Variants in CD226 observed in about 807,000 individuals in gnomAD.
CD226 encodes the protein CD226 antigen.
A neutral mutation model predicts 34.9 loss-of-function variants in CD226; 24 were observed. That is an observed-to-expected ratio of 0.69 (90% CI 0.50 to 0.97). The LOEUF (loss-of-function observed/expected upper bound fraction) is 0.97. Among genes scored for constraint, CD226 ranks in the 50% least tolerant of loss-of-function variants. CD226 has a pLI of 0.00. For synonymous variants in CD226, 148 were observed against 147.4 expected (o/e 1.00, Z -0.03); for missense variants, 397 against 412.7 (o/e 0.96, Z 0.33).
intron 4 of CD226, among the ~76,000 whole-genome samples, chr18:69,872,244 C>G (rs1264806971): frequency 1.3e-5 from 2 of 152,030 alleles, no homozygotes; most frequent in African/African-American, 4.8e-5. Flanking sequence ...AACACTTTAG[C>G]TGTAATACAT....
rs1982554103 is a variant in CD226, at chr18:69,854,345, G to C, written c.*9969C>G. 6.6e-6 allele frequency: 1 copy of C among 152,268 alleles called. No individual in the cohort carries two copies. Among genetic ancestry groups the C allele is most frequent in the African/African-American group, 2.4e-5 (1 of 41,426 alleles). The allele number at this position is 152,268 out of a possible 1,614,324, so 9.4% of individuals were successfully genotyped here. On this transcript the variant is annotated 3_prime_UTR_variant, in exon 6 of 6. Transcript: ENST00000582621. ...GTATGAGCCTTTATATGGTAAGTTG[G>C]GTGAATTGCTGGCATCTGTTTGTGG...
intron 2 of CD226, among the ~76,000 whole-genome samples, chr18:69,940,517 A>G (rs2055710204): frequency 6.6e-6 from 1 of 152,290 alleles, no homozygotes; most frequent in East Asian, 1.9e-4. Flanking sequence ...AATGAAGTCC[A>G]GGCTGAGGTG....
chr18:69,873,319 A>T, intron 3 of CD226, 73 bp from the exon 4 acceptor site: 3 of 734,838 alleles, frequency 4.1e-6, no homozygotes, highest in Non-Finnish European at 7.1e-6. Flanking sequence ...CAGGAAAATA[A>T]AGAAAAGATA....
chr18:69,891,340 C>T (rs1984892738), intron 3 of CD226, among the ~76,000 whole-genome samples: 1 of 150,858 alleles, frequency 6.6e-6, no homozygotes, highest in Admixed American at 6.6e-5. Flanking sequence ...TACCCCAACA[C>T]AATAAAGGCC....
chr18:69,944,211 C>T (rs1745223811), intron 2 of CD226, among the ~76,000 whole-genome samples: 1 of 152,180 alleles, frequency 6.6e-6, no homozygotes, highest in African/African-American at 2.4e-5. Context: ...TAGCCCATTG[C>T]ATCAATCTGC....
At chr18:69,880,398 G>A (rs150355482) in intron 3 of CD226, among the ~76,000 whole-genome samples, 1 of 149,996 alleles carries the variant, frequency 6.7e-6, no homozygotes, top group African/African-American at 2.4e-5. Context: ...AAAGAAAGAA[G>A]GAGGGAAGGA....
chr18:69,911,414 C>T (rs112452432), intron 2 of CD226, among the ~76,000 whole-genome samples: 98 of 152,294 alleles, frequency 6.4e-4, no homozygotes, highest in Non-Finnish European at 1.2e-3. Context: ...CTGGGAACTG[C>T]CTTCTTCATT....
Position 69,873,161 on chromosome 18 carries a change from A to T in CD226, c.813T>A (p.Ile271=), listed in dbSNP as rs2145191268. The stretch of plus-strand genomic sequence containing the variant: ...CTACTCACCTGTTAAGGAAAATGAC[A>T]ATGATGGTGGTAATTGAGATAACAA... ...LLFVISITTI[I]VIFLNRRRRR... is the part of the protein sequence containing the mutation. Residue 271 remains isoleucine, a synonymous_variant, in exon 4 of 6, where the codon ATT becomes ATA. Coordinates refer to ENST00000582621, the MANE Select transcript of CD226 (RefSeq NM_001303618.2). 6.3e-7 allele frequency: 1 copy of T among 1,594,040 alleles called. No individual in the cohort carries two copies. The highest frequency in any genetic ancestry group is 8.6e-7 in the Non-Finnish European group (1 of 1,161,788).
At chr18:69,903,665 C>A (rs746451539) in intron 2 of CD226, among the ~76,000 whole-genome samples, 8 of 151,938 alleles carry the variant, frequency 5.3e-5, no homozygotes, top group Non-Finnish European at 8.8e-5. Context: ...GGCATGAATA[C>A]AAGCAGAACG....
intron 2 of CD226, among the ~76,000 whole-genome samples, chr18:69,936,656 A>G (rs2055657703): frequency 6.6e-6 from 1 of 152,170 alleles, no homozygotes; most frequent in African/African-American, 2.4e-5. Context: ...ACACATGGAT[A>G]TATAAAACCT....
chr18:69,875,868 T>C (rs982034664), intron 3 of CD226, among the ~76,000 whole-genome samples: 3 of 152,110 alleles, frequency 2.0e-5, no homozygotes, highest in African/African-American at 7.2e-5. Context: ...AAGTCAAACT[T>C]ATAGAAGCAG....
intron 2 of CD226, among the ~76,000 whole-genome samples, chr18:69,904,502 G>A (rs1354644243): frequency 6.6e-6 from 1 of 152,192 alleles, no homozygotes; most frequent in Non-Finnish European, 1.5e-5. Flanking sequence ...GCTCCTGAAA[G>A]GTAACCGTGG....
At position 69,886,621 on chromosome 18, in the gene CD226, G is replaced by A. The variant is rs536453368; in HGVS notation, c.727+9080C>T. Among the ~76,000 whole-genome samples the A allele has an allele frequency of 7.2e-5, 11 of 152,150 alleles. No homozygotes were observed. In the South Asian group the frequency reaches 1.2e-3, roughly 17 times the overall value. Reference sequence around the variant, plus strand: ...CTTGGGAGGCTGAGGCAGAAGAATCGCTTGAACCCAGGAGGAGGAGGTTGC... The same window carrying A: ...CTTGGGAGGCTGAGGCAGAAGAATCACTTGAACCCAGGAGGAGGAGGTTGC... On this transcript the variant is annotated intron_variant, in intron 3 of 5. Transcript: ENST00000582621.
At chr18:69,884,633 T>C (rs577929159) in intron 3 of CD226, among the ~76,000 whole-genome samples, 1 of 152,314 alleles carries the variant, frequency 6.6e-6, no homozygotes, top group East Asian at 1.9e-4. Context: ...TCTGAGAGGG[T>C]AGAAAACTAC....
At chr18:69,901,280 CACTT>C (rs1370869295) in intron 2 of CD226, among the ~76,000 whole-genome samples, 1 of 152,110 alleles carries the variant, frequency 6.6e-6, no homozygotes, top group African/African-American at 2.4e-5. Context: ...GCAAAGTAGA[CACTT>C]AATAATTTTA....
chr18:69,958,993 G>A (rs941554399), upstream of CD226, among the ~76,000 whole-genome samples: 1 of 152,000 alleles, frequency 6.6e-6, no homozygotes, highest in South Asian at 2.1e-4. Flanking sequence ...GGAGGCTCTC[G>A]AAATATGGTA....
chr18:69,895,683 T>A lies in CD226; in HGVS notation c.727+18A>T. The A allele has an allele frequency of 1.9e-6, 3 of 1,567,134 alleles. No homozygotes were observed. Among genetic ancestry groups the A allele is most frequent in the Non-Finnish European group, 2.6e-6 (3 of 1,138,800 alleles). Reference sequence around the variant, plus strand: ...TTTTTCCATGTTTGATACCAGAAGATGTCTGGTGCTCACTCACCCTCGGCT... The same window carrying A: ...TTTTTCCATGTTTGATACCAGAAGAAGTCTGGTGCTCACTCACCCTCGGCT... On this transcript the variant is annotated intron_variant, in intron 3 of 5. Transcript: ENST00000582621.
chr18:69,932,116 G>T (rs1408041710), intron 2 of CD226, among the ~76,000 whole-genome samples: 1 of 152,074 alleles, frequency 6.6e-6, no homozygotes, highest in East Asian at 1.9e-4. Context: ...TTTCCAAATA[G>T]TCACCTTCTG....
intron 2 of CD226, among the ~76,000 whole-genome samples, chr18:69,946,166 G>A (rs2055787357): frequency 1.1e-5 from 1 of 87,096 alleles, no homozygotes; most frequent in Non-Finnish European, 2.0e-5. Flanking sequence ...CCTGGTGACA[G>A]AGCAAGACTC....
Sources: allele counts gnomAD v4.1 joint callset (sites outside exome capture counted in the v4.1 genomes callset), GRCh38; gene constraint gnomAD v4.1.1; transcripts MANE v1.5; gene names NCBI Gene and HGNC (gene_info 2026-07-23, HGNC 2026-07-21).